DPYD: variants seen among roughly 807,000 people sequenced by gnomAD.
DPYD encodes dihydropyrimidine dehydrogenase.
A neutral mutation model predicts 116.2 loss-of-function variants in DPYD; 109 were observed. That is an observed-to-expected ratio of 0.94 (90% CI 0.80 to 1.10). The LOEUF (loss-of-function observed/expected upper bound fraction) is 1.10. DPYD is among the 50% of genes least tolerant of loss of function. The pLI is 0.00. For synonymous variants in DPYD, 440 were observed against 432.0 expected (o/e 1.02, Z -0.23); for missense variants, 1,302 against 1,254.5 (o/e 1.04, Z -0.57).
chr1:97,172,475 T>C (rs1656799712), intron 20 of DPYD, among the ~76,000 whole-genome samples: 1 of 152,182 alleles, frequency 6.6e-6, no homozygotes, highest in Non-Finnish European at 1.5e-5. Context: ...CTTTTGTTAA[T>C]GCTAAGAAGA....
chr1:97,606,434 G>A (rs1655606325), intron 8 of DPYD, among the ~76,000 whole-genome samples: 1 of 151,916 alleles, frequency 6.6e-6, no homozygotes, highest in African/African-American at 2.4e-5. Context: ...ACTTCACCTG[G>A]ACTGCAGACA....
chr1:97,326,758 G>T (rs976689435), intron 16 of DPYD, among the ~76,000 whole-genome samples: 1 of 151,938 alleles, frequency 6.6e-6, no homozygotes, highest in Non-Finnish European at 1.5e-5. Context: ...ATTGCAAGGG[G>T]TTAAGAAATT....
chr1:97,267,009 T>C (rs1664279235), intron 18 of DPYD, among the ~76,000 whole-genome samples: 1 of 152,190 alleles, frequency 6.6e-6, no homozygotes, highest in Non-Finnish European at 1.5e-5. Context: ...TGTGTCTTTA[T>C]AGTAACATGA....
rs768130933 is a variant in DPYD, at chr1:97,450,193, T to TGA, written c.1769_1770dup (p.Ile591SerfsTer19). On this transcript the variant is annotated frameshift_variant, in exon 14 of 23. Coordinates refer to ENST00000370192, the MANE Select transcript of DPYD (RefSeq NM_000110.4). LOFTEE classifies it high-confidence loss of function. ...ATGGGGCCAGAGGTGGTTCCCCGGATGATTCTGGGGGAAACATTTGTCACA... is the reference window on the plus strand; with the variant it reads ...ATGGGGCCAGAGGTGGTTCCCCGGATGAGATTCTGGGGGAAACATTTGTCACA... 1 of 1,613,798 alleles carries TGA rather than the reference T, an allele frequency of 6.2e-7. No individual in the cohort carries two copies. Among genetic ancestry groups the TGA allele is most frequent in the Middle Eastern group, 1.7e-4 (1 of 6,060 alleles).
At position 97,819,585 on chromosome 1, in the gene DPYD, A is replaced by G. The variant is rs1571411635; in HGVS notation, c.233+8529T>C. 2.6e-5 allele frequency among the ~76,000 whole-genome samples: 4 copies of G among 152,144 alleles called. No homozygotes were observed. The South Asian group carries it at 8.3e-4, about 31-fold the overall frequency. On this transcript the variant is annotated intron_variant, in intron 3 of 22. Coordinates refer to ENST00000370192, the MANE Select transcript of DPYD (RefSeq NM_000110.4). ...ACAACCTGCTAATTTCACTGGAAGT[A>G]TTTTGTTAATACTTTCTCATTTTAT...
intron 5 of DPYD, chr1:97,721,011 T>A: frequency 1.3e-6 from 2 of 1,522,564 alleles, no homozygotes; most frequent in Non-Finnish European, 1.8e-6. Flanking sequence ...TTCCAATCTA[T>A]AAGTTCACAA....
At chr1:97,920,616 G>T (rs909766802) in intron 1 of DPYD, among the ~76,000 whole-genome samples, 9 of 152,164 alleles carry the variant, frequency 5.9e-5, no homozygotes, top group African/African-American at 2.2e-4. Context: ...GACAAGACAG[G>T]CTTCCTGAAA....
At chr1:97,885,071 T>C (rs1255974806) in intron 1 of DPYD, among the ~76,000 whole-genome samples, 2 of 152,008 alleles carry the variant, frequency 1.3e-5, no homozygotes, top group Non-Finnish European at 2.9e-5. Context: ...AGAGGCTATG[T>C]GCAACAGTAA....
intron 11 of DPYD, among the ~76,000 whole-genome samples, chr1:97,560,922 G>C (rs1036593636): frequency 6.6e-6 from 1 of 152,100 alleles, no homozygotes; most frequent in East Asian, 1.9e-4. Context: ...CAAGAAGCGG[G>C]AACAGTGGCA....
At chr1:97,253,065 A>G (rs555578405) in intron 18 of DPYD, among the ~76,000 whole-genome samples, 142 of 152,308 alleles carry the variant, frequency 9.3e-4, no homozygotes, top group Non-Finnish European at 1.4e-3. Context: ...AAACTGAACT[A>G]GAGAAACATA....
At chr1:97,824,883 C>CAAGTT (rs1163214981) in intron 3 of DPYD, among the ~76,000 whole-genome samples, 2 of 152,182 alleles carry the variant, frequency 1.3e-5, no homozygotes, top group African/African-American at 4.8e-5. Context: ...TTGGCTACAA[C>CAAGTT]AAGTATCAAA....
chr1:97,391,629 C>A (rs970479603), intron 14 of DPYD, among the ~76,000 whole-genome samples: 1 of 152,004 alleles, frequency 6.6e-6, no homozygotes, highest in Non-Finnish European at 1.5e-5. Context: ...CCAGGTTCCT[C>A]ATTGTGACTA....
chr1:97,319,472 G>C (rs1465316610), intron 16 of DPYD, among the ~76,000 whole-genome samples: 1 of 128,004 alleles, frequency 7.8e-6, no homozygotes, highest in Non-Finnish European at 1.6e-5. Context: ...AAATAAACTA[G>C]AAAATCTAGA....
chr1:97,892,019 T>G (rs1056435354), intron 1 of DPYD, among the ~76,000 whole-genome samples: 4 of 151,858 alleles, frequency 2.6e-5, no homozygotes, highest in African/African-American at 7.2e-5. Flanking sequence ...TATGCTTACA[T>G]TTTTCTTTAA....
chr1:97,339,553 C>T (rs780376454), intron 16 of DPYD, among the ~76,000 whole-genome samples: 9 of 152,116 alleles, frequency 5.9e-5, no homozygotes, highest in Admixed American at 2.0e-4. Flanking sequence ...AAAAAAGGCA[C>T]AATGGTTTTC....
At chr1:97,533,249 C>A (rs1036728477) in intron 12 of DPYD, among the ~76,000 whole-genome samples, 1 of 151,942 alleles carries the variant, frequency 6.6e-6, no homozygotes, top group Admixed American at 6.6e-5. Context: ...ATGTTGGTTT[C>A]TTTCACATTC....
At chr1:97,099,349 T>A (rs1650495275) in intron 20 of DPYD, among the ~76,000 whole-genome samples, 1 of 152,092 alleles carries the variant, frequency 6.6e-6, no homozygotes, top group Non-Finnish European at 1.5e-5. Flanking sequence ...AGCTTTAAAT[T>A]TCAAGGTTAT....
chr1:97,769,120 C>A (rs1666019767), intron 3 of DPYD, among the ~76,000 whole-genome samples: 1 of 151,948 alleles, frequency 6.6e-6, no homozygotes, highest in Non-Finnish European at 1.5e-5. Flanking sequence ...CAGAATATCC[C>A]AGATTCTTTA....
At chr1:97,286,266 G>C in intron 18 of DPYD, among the ~76,000 whole-genome samples, 1 of 152,152 alleles carries the variant, frequency 6.6e-6, no homozygotes, top group East Asian at 1.9e-4. Flanking sequence ...CTTCTGGCTT[G>C]TAGAGTTTCT....
Sources: gnomAD v4.1 joint callset for allele counts (sites outside exome capture counted in the v4.1 genomes callset) on GRCh38, gnomAD v4.1.1 for gene constraint, MANE v1.5 for transcripts, NCBI Gene and HGNC (gene_info 2026-07-23, HGNC 2026-07-21) for gene names.